CR2: variants seen among roughly 807,000 people sequenced by gnomAD.
The protein encoded by CR2 is complement receptor type 2.
A neutral mutation model predicts 123.0 loss-of-function variants in CR2; 96 were observed. The observed-to-expected ratio is 0.78, with a 90% confidence interval of 0.66 to 0.93. The LOEUF (loss-of-function observed/expected upper bound fraction) is 0.93. CR2 is among the 40% of genes least tolerant of loss of function. The pLI, the probability that CR2 is intolerant of heterozygous loss-of-function variation, is 0.00. For synonymous variants in CR2, 484 were observed against 469.5 expected (o/e 1.03, Z -0.40); for missense variants, 1,258 against 1,361.0 (o/e 0.92, Z 1.19).
At chr1:207,476,002 A>G (rs1049344238) in intron 14 of CR2, among the ~76,000 whole-genome samples, 4 of 152,202 alleles carry the variant, frequency 2.6e-5, no homozygotes, top group Non-Finnish European at 4.4e-5. Flanking sequence ...TGTATCCATT[A>G]ATGTTTCATT....
chr1:207,458,059 AACACAC>A lies in CR2; in HGVS notation c.58+3618_58+3623del, dbSNP rs59735642. On this transcript the variant is annotated intron_variant, in intron 1 of 19. Transcript: ENST00000367057. ...ACACAATTCCCTACCTCAAGGCCACAACACACACACACACACACACACACACACACA... is the reference window on the plus strand; with the variant it reads ...ACACAATTCCCTACCTCAAGGCCACAACACACACACACACACACACACACA... Among the ~76,000 whole-genome samples, 60 of 122,568 alleles carry A rather than the reference AACACAC, an allele frequency of 4.9e-4. 1 individual carries two copies. The highest frequency in any genetic ancestry group is 5.5e-4 in the African/African-American group (17 of 30,696). The allele number at this position is 122,568 out of a possible 152,430, so 80.4% of individuals were successfully genotyped here.
intron 15 of CR2, among the ~76,000 whole-genome samples, chr1:207,476,870 A>G (rs1174908898): frequency 6.6e-6 from 1 of 152,278 alleles, no homozygotes; most frequent in African/African-American, 2.4e-5. Context: ...AAATATGACT[A>G]GTAAATTAGT....
chr1:207,474,242 TA>T lies in CR2; in HGVS notation c.2243del (p.Tyr748SerfsTer3). 1 of 1,609,898 alleles carries T rather than the reference TA, an allele frequency of 6.2e-7. No individual in the cohort carries two copies. The highest frequency in any genetic ancestry group is 8.5e-7 in the Non-Finnish European group (1 of 1,176,218). ...ELVNTSCQDGYQLTGHAYQMC... is the reference protein window; with the variant it reads ...ELVNTSCQDGXQLTGHAYQMC... The stretch of plus-strand genomic sequence containing the variant: ...GCATTATAATCTGTCTCTCTGTAGG[TA>T]CCAGTTGACTGGACATGCTTATCAG... On this transcript the variant is annotated frameshift_variant and splice_region_variant, in exon 13 of 20. Transcript: ENST00000367057. LOFTEE classifies it high-confidence loss of function.
chr1:207,476,159 G>A (rs1014836422), intron 14 of CR2, 75 bp from the exon 15 acceptor site: 12 of 1,411,918 alleles, frequency 8.5e-6, no homozygotes, highest in African/African-American at 8.5e-5. Context: ...TTCCTGTATC[G>A]CTATCACCCA....
At chr1:207,477,836 TA>T (rs1252626938) in intron 15 of CR2, 48 bp from the exon 16 acceptor site, 2 of 1,586,122 alleles carry the variant, frequency 1.3e-6, no homozygotes, top group South Asian at 2.3e-5. Context: ...GCTTTCTTGG[TA>T]AAAGGCCAAA....
intron 8 of CR2, 50 bp downstream of exon 8, chr1:207,471,137 A>G (rs1254856974): frequency 6.5e-7 from 1 of 1,546,402 alleles, no homozygotes; most frequent in Non-Finnish European, 8.9e-7. Context: ...ATCAGCACAC[A>G]CTGCAGGCTC....
chr1:207,469,304 C>T, intron 5 of CR2, 72 bp downstream of exon 5: 1 of 1,106,000 alleles, frequency 9.0e-7, no homozygotes, highest in African/African-American at 1.5e-5. Flanking sequence ...TCAGTCATTA[C>T]CTTACAGACT....
intron 18 of CR2, among the ~76,000 whole-genome samples, chr1:207,480,920 C>CA (rs57032478): frequency 9.3e-5 from 14 of 150,568 alleles, no homozygotes; most frequent in Admixed American, 2.6e-4. Context: ...TTTATAATTT[C>CA]AAAAAAAAAT....
intron 1 of CR2, among the ~76,000 whole-genome samples, chr1:207,462,524 T>C (rs947805100): frequency 3.9e-5 from 6 of 152,222 alleles, no homozygotes. Context: ...TAAGTCATAG[T>C]AAGTTTTTAA....
chr1:207,456,432 C>T (rs1018663508), intron 1 of CR2, among the ~76,000 whole-genome samples: 8 of 152,208 alleles, frequency 5.3e-5, no homozygotes, highest in Non-Finnish European at 8.8e-5. Context: ...TTGGAGTTAG[C>T]ACAGGAAAGC....
intron 18 of CR2, 22 bp from the exon 19 acceptor site, chr1:207,485,439 CATT>C: frequency 2.1e-6 from 3 of 1,423,192 alleles, no homozygotes; most frequent in Non-Finnish European, 3.0e-6. Context: ...AAAGATATTA[CATT>C]TTTCTTTCTT....
chr1:207,471,306 C>T, intron 8 of CR2, 117 bp from the exon 9 acceptor site: 1 of 947,334 alleles, frequency 1.1e-6, no homozygotes, highest in Non-Finnish European at 1.7e-6. Context: ...ATGTTGGCTA[C>T]ATTTTTGTTG....
Position 207,471,425 on chromosome 1 carries a change from A to G in CR2, c.1496A>G (p.Tyr499Cys). 1 of 1,610,470 alleles carries G rather than the reference A, an allele frequency of 6.2e-7. No homozygotes were observed. Among genetic ancestry groups the G allele is most frequent in the Non-Finnish European group, 8.5e-7 (1 of 1,176,756 alleles). The stretch of plus-strand genomic sequence containing the variant: ...GACATACGTGACTCTGTCTCTAGGT[A>G]CAAGTTAAGTGGGAGTGTTTATCAG... ...PDVNSSCGEG[Y>C]KLSGSVYQEC... Residue 499 changes from tyrosine (Y) to cysteine (C), a missense_variant and splice_region_variant, in exon 9 of 20, where the codon TAC becomes TGC. Coordinates refer to ENST00000367057, the MANE Select transcript of CR2 (RefSeq NM_001006658.3).
intron 9 of CR2, 112 bp from the exon 10 acceptor site, chr1:207,472,660 A>ACCCATACC (rs1658313593): frequency 9.5e-7 from 1 of 1,050,642 alleles, no homozygotes. Flanking sequence ...ATGAAAATGT[A>ACCCATACC]CCCATACCGT....
chr1:207,473,726 T>G lies in CR2; in HGVS notation c.2155+5T>G. ...CTTCTGCCCCACGGTGTGAAGGTACTTTAAGTTCCAGAGTTGTCCTTCTCT... is the reference window on the plus strand; with the variant it reads ...CTTCTGCCCCACGGTGTGAAGGTACGTTAAGTTCCAGAGTTGTCCTTCTCT... On this transcript the variant is annotated splice_donor_5th_base_variant and intron_variant, in intron 11 of 19. Coordinates refer to ENST00000367057, the MANE Select transcript of CR2 (RefSeq NM_001006658.3). 6.2e-7 allele frequency: 1 copy of G among 1,613,572 alleles called. No homozygotes were observed. The highest frequency in any genetic ancestry group is 2.2e-5 in the East Asian group (1 of 44,888).
chr1:207,476,106 G>C, intron 14 of CR2, 128 bp from the exon 15 acceptor site: 1 of 812,182 alleles, frequency 1.2e-6, no homozygotes, highest in East Asian at 2.6e-5. Context: ...TGGAATGAAT[G>C]AATGTTTTTG....
chr1:207,462,258 A>C (rs531608184), intron 1 of CR2, among the ~76,000 whole-genome samples: 2 of 152,198 alleles, frequency 1.3e-5, no homozygotes, highest in African/African-American at 4.8e-5. Flanking sequence ...ACTATGAGGT[A>C]GTTCTCTTAT....
chr1:207,466,973 G>A (rs1350561426), intron 2 of CR2, 61 bp downstream of exon 2: 38 of 1,512,678 alleles, frequency 2.5e-5, no homozygotes, highest in Non-Finnish European at 3.3e-5. Context: ...TGCAGACCAC[G>A]TTTTGTACCC....
intron 1 of CR2, among the ~76,000 whole-genome samples, chr1:207,461,535 G>GTA (rs1657968165): frequency 6.6e-6 from 1 of 152,042 alleles, no homozygotes; most frequent in Non-Finnish European, 1.5e-5. Flanking sequence ...AGGATAATTG[G>GTA]TAACAAGGCA....
Sources: allele counts gnomAD v4.1 joint callset (sites outside exome capture counted in the v4.1 genomes callset), GRCh38; gene constraint gnomAD v4.1.1; transcripts MANE v1.5; gene names NCBI Gene and HGNC (gene_info 2026-07-23, HGNC 2026-07-21).